The following RPL3L variants were observed in gnomAD, a reference collection of about 807,000 sequenced individuals.
The protein encoded by RPL3L is ribosomal protein uL3-like.
In RPL3L, 44 loss-of-function variants were observed where a neutral mutation model predicts 44.5. The observed-to-expected ratio is 0.99, with a 90% confidence interval of 0.78 to 1.27. RPL3L has a LOEUF of 1.27. RPL3L is among the 50% of genes most tolerant of loss of function. The pLI is 0.00. For missense variants in RPL3L, 631 were observed against 569.1 expected (o/e 1.11, Z -1.11); for synonymous variants, 292 against 230.7 (o/e 1.27, Z -2.41).
At chr16:1,952,732 G>A in intron 3 of RPL3L, 142 bp downstream of exon 3, 1 of 910,828 alleles carries the variant, frequency 1.1e-6, no homozygotes. Flanking sequence ...CACACACACA[G>A]ACACTCCTAC....
chr16:1,945,809 T>G (rs2083116511), intron 8 of RPL3L, 26 bp downstream of exon 8: 3 of 1,611,930 alleles, frequency 1.9e-6, no homozygotes, highest in Non-Finnish European at 2.5e-6. Context: ...GGGCACCCAC[T>G]CCCCAGCCCA....
chr16:1,949,259 CTTTTTTTTTTTTTTTTTT>C (rs58248501), intron 4 of RPL3L, among the ~76,000 whole-genome samples: 2 of 75,258 alleles, frequency 2.7e-5, no homozygotes, highest in South Asian at 5.5e-4. Context: ...TTTTTTTTTT[CTTTTTTTTTTTTTTTTTT>C]TTTTGAGACT....
rs143300441 is a variant in RPL3L, at chr16:1,944,859, G to A, written c.1202C>T (p.Pro401Leu). ...AGCCTACAAGTCTCCCGAGGTCTCCGGCGTTTCCTTCTCCAGATGCTTCTT... is the reference window on the plus strand; with the variant it reads ...AGCCTACAAGTCTCCCGAGGTCTCCAGCGTTTCCTTCTCCAGATGCTTCTT... ...PQKKHLEKET[P>L]ETSGDL The change falls in exon 10 of 10, where the codon CCG (proline) becomes CTG (leucine). Residue 401 changes from proline (P) to leucine (L), a missense_variant. Transcript: ENST00000268661. 2.6e-4 allele frequency: 418 copies of A among 1,614,016 alleles called. No individual in the cohort carries two copies. In the African/African-American group the frequency reaches 3.6e-3, roughly 14 times the overall value.
At chr16:1,945,404 A>G (rs2083113558) in intron 9 of RPL3L, 95 bp downstream of exon 9, 3 of 1,408,324 alleles carry the variant, frequency 2.1e-6, no homozygotes, top group Non-Finnish European at 2.9e-6. Context: ...AGTTGAGCTC[A>G]GGGGAGTCCC....
intron 4 of RPL3L, among the ~76,000 whole-genome samples, chr16:1,949,254 T>C (rs2083150503): frequency 1.9e-5 from 2 of 102,994 alleles, no homozygotes; most frequent in Admixed American, 1.2e-4. Flanking sequence ...GTTTTTTTTT[T>C]TTTTCTTTTT....
intron 1 of RPL3L, 130 bp downstream of exon 1, chr16:1,954,499 C>T (rs918364397): frequency 2.8e-6 from 3 of 1,083,148 alleles, no homozygotes; most frequent in Non-Finnish European, 3.9e-6. Context: ...CCTTGTTTCC[C>T]CCTCCAGCCT....
intron 4 of RPL3L, 74 bp from the exon 5 acceptor site, chr16:1,947,454 A>G: frequency 7.0e-7 from 1 of 1,436,094 alleles, no homozygotes; most frequent in Non-Finnish European, 9.2e-7. Context: ...CATGGCCAGC[A>G]GTGACCCCTG....
rs761492682 is a variant in RPL3L, at chr16:1,952,962, C to T, written c.277G>A (p.Val93Met). Residue 93 changes from valine (V) to methionine (M), a missense_variant, in exon 3 of 10, where the codon GTG becomes ATG. Val to Met is a conservative substitution (Grantham distance 21). Transcript: ENST00000268661. Reference protein sequence around the residue: ...PLVVVGVVGYVATPRGLRSFK... With the variant: ...PLVVVGVVGYMATPRGLRSFK... ...CTCCGGAGACCTCGAGGGGTGGCCA[C>T]GTAGCCCACCACGCCCACCACCACT... 2.0e-5 allele frequency: 32 copies of T among 1,613,538 alleles called. No homozygotes were observed. Among genetic ancestry groups the T allele is most frequent in the Non-Finnish European group, 2.2e-5 (26 of 1,179,892 alleles).
Position 1,953,943 on chromosome 16 carries a change from A to G in RPL3L, c.196+13T>C, listed in dbSNP as rs769482888. On this transcript the variant is annotated intron_variant, in intron 2 of 9. Coordinates refer to ENST00000268661, the MANE Select transcript of RPL3L (RefSeq NM_005061.3). Reference sequence around the variant, plus strand: ...GCCCTCCCCCTCCCCCAAGGGTCCCAACTGTGACTCACTGAGCCCCGGCCG... The same window carrying G: ...GCCCTCCCCCTCCCCCAAGGGTCCCGACTGTGACTCACTGAGCCCCGGCCG... 2 of 1,507,898 alleles carry G rather than the reference A, an allele frequency of 1.3e-6. No homozygotes were observed. The highest frequency in any genetic ancestry group is 1.8e-6 in the Non-Finnish European group (2 of 1,122,482). The allele number at this position is 1,507,898 out of a possible 1,614,324, so 93.4% of individuals were successfully genotyped here. A position where few individuals can be genotyped will look rare whatever the true frequency, so the allele number is the denominator to read the frequency against.
intron 1 of RPL3L, 145 bp downstream of exon 1, chr16:1,954,484 C>G: frequency 1.0e-6 from 1 of 958,342 alleles, no homozygotes; most frequent in Non-Finnish European, 1.5e-6. Flanking sequence ...GCCCAGCCCT[C>G]GTCCCCTTGT....
chr16:1,946,181 T>C (rs974754203), intron 7 of RPL3L, among the ~76,000 whole-genome samples: 9 of 151,930 alleles, frequency 5.9e-5, no homozygotes, highest in African/African-American at 2.2e-4. Flanking sequence ...ATCAGAGGAG[T>C]GGAGTCACTT....
chr16:1,946,493 G>T (rs947925064), intron 7 of RPL3L, 132 bp downstream of exon 7: 1 of 914,322 alleles, frequency 1.1e-6, no homozygotes, highest in Non-Finnish European at 1.6e-6. Context: ...TTGAGCCCTT[G>T]GGGCAGGGAG....
intron 2 of RPL3L, 31 bp downstream of exon 2, chr16:1,953,925 C>A: frequency 6.8e-7 from 1 of 1,471,750 alleles, no homozygotes; most frequent in Admixed American, 2.3e-5. Context: ...TCAGCCCTCC[C>A]CCTCCCCCAA....
In RPL3L at chr16:1,947,028, G is replaced by T. The variant is rs1430787960; in HGVS notation, c.759C>A (p.Cys253Ter). 2 of 1,612,808 alleles carry T rather than the reference G, an allele frequency of 1.2e-6. No homozygotes were observed. The highest frequency in any genetic ancestry group is 1.7e-6 in the Non-Finnish European group (2 of 1,179,856). ...CGCGGGCGGGGTGCCAGGCGCCAAT[G>T]CAGGCCACCTTGCGCAGGCCCTTAT... ...KTHKGLRKVA[C>*]IGAWHPARVG... Residue 253 changes from cysteine to a stop codon, truncating the protein, a stop_gained, in exon 6 of 10, where the codon TGC becomes TGA. Transcript: ENST00000268661. LOFTEE classifies it high-confidence loss of function.
At chr16:1,945,390 C>T in intron 9 of RPL3L, 109 bp downstream of exon 9, 1 of 1,174,560 alleles carries the variant, frequency 8.5e-7, no homozygotes, top group Non-Finnish European at 1.2e-6. Context: ...AGAGTCTCTC[C>T]TGCAGTTGAG....
Position 1,944,752 on chromosome 16 carries a change from C to G in RPL3L, c.*85G>C. 1 of 1,585,070 alleles carries G rather than the reference C, an allele frequency of 6.3e-7. No homozygotes were observed. The highest frequency in any genetic ancestry group is 8.7e-7 in the Non-Finnish European group (1 of 1,154,380). The stretch of plus-strand genomic sequence containing the variant: ...GGGCGGTTACACAGCGCTCTGAGAC[C>G]TCGCAGGAAGAGTCGCCTCCGGCCT... On this transcript the variant is annotated 3_prime_UTR_variant, in exon 10 of 10. Coordinates refer to ENST00000268661, the MANE Select transcript of RPL3L (RefSeq NM_005061.3).
chr16:1,946,513 G>A, intron 7 of RPL3L, 112 bp downstream of exon 7: 1 of 1,120,860 alleles, frequency 8.9e-7, no homozygotes, highest in Non-Finnish European at 1.3e-6. Flanking sequence ...GCGTCCAGCT[G>A]AGGCTGGGGC....
Position 1,947,397 on chromosome 16 carries a change from G to T in RPL3L, c.502-17C>A. The T allele has an allele frequency of 6.5e-7, 1 of 1,549,912 alleles. No individual in the cohort carries two copies. Among genetic ancestry groups the T allele is most frequent in the Non-Finnish European group, 8.7e-7 (1 of 1,150,132 alleles). On this transcript the variant is annotated splice_polypyrimidine_tract_variant and intron_variant, in intron 4 of 9. Coordinates refer to ENST00000268661, the MANE Select transcript of RPL3L (RefSeq NM_005061.3). ...CAGTTTCATCTGCAGGACATGGCCG[G>T]AGGTCACGCCACGGCCCACGGGATC...
At chr16:1,949,296 C>T (rs1392462894) in intron 4 of RPL3L, among the ~76,000 whole-genome samples, 7 of 136,810 alleles carry the variant, frequency 5.1e-5, no homozygotes, top group Non-Finnish European at 1.1e-4. Flanking sequence ...CTCTATCGCC[C>T]GGGCTGGAGT....
Sources: allele counts gnomAD v4.1 joint callset (sites outside exome capture counted in the v4.1 genomes callset), GRCh38; gene constraint gnomAD v4.1.1; transcripts MANE v1.5; gene names NCBI Gene and HGNC (gene_info 2026-07-23, HGNC 2026-07-21).